The following AIG1 variants were observed in gnomAD, a reference collection of about 807,000 sequenced individuals.
AIG1 encodes androgen-induced gene 1 protein.
AIG1 carries 23 observed loss-of-function variants against 31.4 expected under a neutral mutation model. That is an observed-to-expected ratio of 0.73 (90% CI 0.53 to 1.04). The LOEUF (loss-of-function observed/expected upper bound fraction) is 1.04, where lower values mean the gene tolerates loss of function less well. Ranked by LOEUF, AIG1 falls within the 50% of genes least tolerant of loss-of-function variation. AIG1 has a pLI of 0.00. For missense variants in AIG1, 274 were observed against 295.0 expected, an observed-to-expected ratio of 0.93 and a Z score of 0.52; for synonymous variants, 100 against 110.5, an observed-to-expected ratio of 0.90 and a Z score of 0.60.
chr6:143,313,934 G>A (rs769940853), intron 4 of AIG1, among the ~76,000 whole-genome samples: 1 of 152,016 alleles, frequency 6.6e-6, no homozygotes, highest in Non-Finnish European at 1.5e-5. Context: ...TGTCTCCTAA[G>A]ATTGGGAACA....
rs191744075 is a variant in AIG1 at position 143,232,874 on chromosome 6, G to A, written c.400-51236G>A. The stretch of plus-strand genomic sequence containing the variant: ...TCTGCCTATCAGTACATGTTTATGT[G>A]TGGAAGGTGGTGCAAATGGACATAG... On this transcript the variant is annotated intron_variant, in intron 3 of 5. Coordinates refer to ENST00000357847, the MANE Select transcript of AIG1 (RefSeq NM_016108.4). 2.4e-3 allele frequency among the ~76,000 whole-genome samples: 370 copies of A among 152,308 alleles called. 1 individual carries two copies. Among genetic ancestry groups the A allele is most frequent in the Non-Finnish European group, 2.7e-3 (183 of 68,034 alleles).
chr6:143,255,620 T>C (rs1403588311), intron 3 of AIG1, among the ~76,000 whole-genome samples: 2 of 152,182 alleles, frequency 1.3e-5, no homozygotes, highest in Non-Finnish European at 2.9e-5. Flanking sequence ...GGGAACACAA[T>C]TCAGTTCATA....
chr6:143,194,851 C>T (rs1463431692), intron 3 of AIG1, among the ~76,000 whole-genome samples: 1 of 152,134 alleles, frequency 6.6e-6, no homozygotes, highest in Non-Finnish European at 1.5e-5. Context: ...TAGACCAGAA[C>T]CATAAAGAAA....
chr6:143,060,888 C>T (rs761972594), upstream of AIG1: 4 of 1,409,176 alleles, frequency 2.8e-6, no homozygotes, highest in South Asian at 1.6e-5. Flanking sequence ...TCACGCCCGC[C>T]CTCCTTGCCG....
intron 2 of AIG1, among the ~76,000 whole-genome samples, chr6:143,145,824 T>C (rs369965100): frequency 3.3e-5 from 5 of 152,218 alleles, no homozygotes; most frequent in African/African-American, 1.2e-4. Context: ...TTTATGTTAG[T>C]ATGAAAAATA....
At chr6:143,245,349 A>C (rs1344217568) in intron 3 of AIG1, among the ~76,000 whole-genome samples, 3 of 152,200 alleles carry the variant, frequency 2.0e-5, no homozygotes, top group African/African-American at 7.2e-5. Flanking sequence ...CAAAAAGAAA[A>C]AGCAACACAG....
intron 1 of AIG1, among the ~76,000 whole-genome samples, chr6:143,116,003 T>G (rs903936058): frequency 2.0e-4 from 31 of 152,232 alleles, no homozygotes; most frequent in African/African-American, 7.0e-4. Flanking sequence ...AGACACTGAA[T>G]CAAGAGTTGG....
intron 3 of AIG1, among the ~76,000 whole-genome samples, chr6:143,217,196 C>G (rs560233091): frequency 1.2e-4 from 19 of 152,284 alleles, no homozygotes; most frequent in African/African-American, 3.9e-4. Flanking sequence ...ATCCTTCAGA[C>G]TCCATTTAAT....
chr6:143,136,904 G>A lies in AIG1; in HGVS notation c.211G>A (p.Gly71Arg), dbSNP rs1236111127. The A allele has an allele frequency of 5.9e-6, 9 of 1,535,102 alleles. No homozygotes were observed. The South Asian group carries it at 1.1e-4, about 19-fold the overall frequency. ...DLSSLLTRGS[G>R]NQEQERQLKK... The stretch of plus-strand genomic sequence containing the variant: ...TTCCAGTCTTCTGACTCGAGGAAGT[G>A]GGAACCAGGAGCAAGAGAGGCAGCT... The change falls in exon 2 of 6, where the codon GGG (glycine) becomes AGG (arginine). Residue 71 changes from glycine to arginine, a missense_variant. By Grantham distance (125) the Gly-to-Arg change is moderately radical. Transcript: ENST00000357847.
chr6:143,060,453 C>A (rs1025186708), upstream of AIG1: 2 of 234,362 alleles, frequency 8.5e-6, no homozygotes, highest in African/African-American at 4.8e-5. Flanking sequence ...ACACTGGGGT[C>A]CACTCCTTCA....
chr6:143,232,066 A>G (rs1793483358), intron 3 of AIG1, among the ~76,000 whole-genome samples: 1 of 152,198 alleles, frequency 6.6e-6, no homozygotes, highest in Non-Finnish European at 1.5e-5. Flanking sequence ...GAAAGATTTT[A>G]TATAGATCAG....
At chr6:143,110,408 A>G (rs1354016642) in intron 1 of AIG1, among the ~76,000 whole-genome samples, 2 of 152,214 alleles carry the variant, frequency 1.3e-5, no homozygotes, top group Non-Finnish European at 2.9e-5. Flanking sequence ...AGTAGAATTG[A>G]CATTTTTCAA....
At chr6:143,211,314 T>A (rs992623961) in intron 3 of AIG1, among the ~76,000 whole-genome samples, 1 of 152,084 alleles carries the variant, frequency 6.6e-6, no homozygotes, top group African/African-American at 2.4e-5. Context: ...TGTGGGAGAT[T>A]TATATTCTAG....
chr6:143,155,712 C>T (rs975373529), intron 2 of AIG1, among the ~76,000 whole-genome samples: 1 of 152,042 alleles, frequency 6.6e-6, no homozygotes, highest in Non-Finnish European at 1.5e-5. Context: ...AATTATAAAA[C>T]GCACAAAGGA....
chr6:143,074,749 T>C (rs1008941415), intron 1 of AIG1, among the ~76,000 whole-genome samples: 8 of 152,242 alleles, frequency 5.3e-5, no homozygotes, highest in Non-Finnish European at 2.9e-5. Flanking sequence ...ATTTTAGATA[T>C]AGCTGGATTT....
chr6:143,060,824 C>T (rs1055930223), upstream of AIG1: 4 of 431,358 alleles, frequency 9.3e-6, no homozygotes, highest in African/African-American at 2.4e-5. Flanking sequence ...GCCCCGCGCC[C>T]GCGCCCGCGC....
intron 3 of AIG1, among the ~76,000 whole-genome samples, chr6:143,170,876 T>TAA (rs34719519): frequency 0.17 from 25,554 of 147,178 alleles, 2,405 homozygotes; most frequent in East Asian, 0.4. Flanking sequence ...CCTATTGAAA[T>TAA]AAAAAAAAAT....
At chr6:143,145,281 C>T (rs1784608585) in intron 2 of AIG1, among the ~76,000 whole-genome samples, 1 of 152,204 alleles carries the variant, frequency 6.6e-6, no homozygotes. Context: ...ACCTTGGCAT[C>T]CCAAAGTGCT....
chr6:143,287,051 T>G (rs945642464), intron 4 of AIG1, among the ~76,000 whole-genome samples: 1 of 151,848 alleles, frequency 6.6e-6, no homozygotes, highest in Admixed American at 6.6e-5. Context: ...ATGTTTCTCT[T>G]TCCCCCAGCC....
Sources: allele counts gnomAD v4.1 joint callset (sites outside exome capture counted in the v4.1 genomes callset), GRCh38; gene constraint gnomAD v4.1.1; transcripts MANE v1.5; gene names NCBI Gene and HGNC (gene_info 2026-07-23, HGNC 2026-07-21).